RNF149: variants seen among roughly 807,000 people sequenced by gnomAD.
The protein encoded by RNF149 is E3 ubiquitin-protein ligase RNF149.
Under a neutral mutation model 39.0 loss-of-function variants are expected in RNF149, and 21 were observed. The ratio of observed to expected loss-of-function variants is 0.54; its 90% confidence interval spans 0.38 to 0.77. The LOEUF is 0.77. RNF149 is among the 30% of genes least tolerant of loss of function. RNF149 has a pLI of 0.00. For synonymous variants in RNF149, 209 were observed against 213.6 expected, an observed-to-expected ratio of 0.98 and a Z score of 0.19; for missense variants, 493 against 534.9, an observed-to-expected ratio of 0.92 and a Z score of 0.77.
intron 2 of RNF149, 46 bp from the exon 3 acceptor site, chr2:101,294,128 A>G: frequency 9.4e-7 from 1 of 1,059,264 alleles, no homozygotes. Flanking sequence ...ATTTAAATTA[A>G]ATCACTATTT....
In RNF149 at chr2:101,275,957, T is replaced by G; in HGVS notation, c.*1281A>C. 2.0e-6 allele frequency: 2 copies of G among 980,094 alleles called. No homozygotes were observed. Among genetic ancestry groups the G allele is most frequent in the Non-Finnish European group, 2.4e-6 (2 of 825,054 alleles). The allele number at this position is 980,094 out of a possible 1,614,324, so 60.7% of individuals were successfully genotyped here. On this transcript the variant is annotated 3_prime_UTR_variant, in exon 7 of 7. Transcript: ENST00000295317. ...TCATACTGCATCTGTCTGTAGAGTT[T>G]ATTTCAGTAAAACTGTTTACTATTT...
Position 101,276,744 on chromosome 2 carries a change from C to T in RNF149, c.*494G>A. ...TACAGATGGGCAAAAAAGCTACAGA[C>T]ATCTCAGTTTACAAGTTTCAAGTTC... On this transcript the variant is annotated 3_prime_UTR_variant, in exon 7 of 7. Coordinates refer to ENST00000295317, the MANE Select transcript of RNF149 (RefSeq NM_173647.4). 2.0e-6 allele frequency: 2 copies of T among 989,086 alleles called. No individual in the cohort carries two copies. The highest frequency in any genetic ancestry group is 2.4e-6 in the Non-Finnish European group (2 of 832,108). The allele number at this position is 989,086 out of a possible 1,614,324, so 61.3% of individuals were successfully genotyped here.
intron 5 of RNF149, among the ~76,000 whole-genome samples, chr2:101,284,151 G>C (rs1682701755): frequency 6.6e-6 from 1 of 152,216 alleles, no homozygotes; most frequent in Admixed American, 6.5e-5. Context: ...ATGAATATGT[G>C]AAGAAATTCT....
chr2:101,274,918 C>G (rs1682271618), downstream of RNF149, among the ~76,000 whole-genome samples: 1 of 151,422 alleles, frequency 6.6e-6, no homozygotes, highest in African/African-American at 2.4e-5. Context: ...TCCCGAGTAG[C>G]TGGGATTACA....
intron 1 of RNF149, among the ~76,000 whole-genome samples, chr2:101,297,125 C>T (rs1273385864): frequency 6.6e-6 from 1 of 152,112 alleles, no homozygotes; most frequent in Non-Finnish European, 1.5e-5. Context: ...AGGAGAATTG[C>T]TTGAACCCAG....
At chr2:101,292,402 A>G (rs1683047596) in intron 3 of RNF149, among the ~76,000 whole-genome samples, 1 of 152,204 alleles carries the variant, frequency 6.6e-6, no homozygotes, top group South Asian at 2.1e-4. Context: ...GATAATACCA[A>G]TTTACTTGTG....
At chr2:101,290,174 G>A (rs369130805) in intron 3 of RNF149, among the ~76,000 whole-genome samples, 31 of 152,282 alleles carry the variant, frequency 2.0e-4, no homozygotes, top group African/African-American at 5.5e-4. Flanking sequence ...GCGAGACTCC[G>A]TCTCAAAAAA....
Position 101,294,935 on chromosome 2 carries a change from C to T in RNF149, c.707G>A (p.Ser236Asn). ...TTCAGAGTTATCCATCATTACCTGA[C>T]TTCCAATCTGAGAGCCAGTATATAG... ...RFLYTGSQIG[S>N]QSHRKETKKV... Residue 236 changes from serine (S) to asparagine (N), a missense_variant, in exon 2 of 7, where the codon AGT becomes AAT. Transcript: ENST00000295317. 4 of 1,609,364 alleles carry T rather than the reference C, an allele frequency of 2.5e-6. No individual in the cohort carries two copies. The highest frequency in any genetic ancestry group is 2.6e-6 in the Non-Finnish European group (3 of 1,176,236).
In RNF149 at chr2:101,308,113, G is replaced by T. The variant is rs568562496; in HGVS notation, c.460+16C>A. 2.5e-6 allele frequency: 4 copies of T among 1,604,588 alleles called. No homozygotes were observed. In the African/African-American group the frequency reaches 5.4e-5, roughly 22 times the overall value. On this transcript the variant is annotated intron_variant, in intron 1 of 6. Transcript: ENST00000295317. Reference sequence around the variant, plus strand: ...CGCGAAGTCCCCCTCCCGTCCTCGCGCCCCGGCCTGCTCACCCGCGTGAGA... The same window carrying T: ...CGCGAAGTCCCCCTCCCGTCCTCGCTCCCCGGCCTGCTCACCCGCGTGAGA...
chr2:101,284,002 T>A (rs1186335968), intron 5 of RNF149, among the ~76,000 whole-genome samples: 1 of 152,194 alleles, frequency 6.6e-6, no homozygotes, highest in Non-Finnish European at 1.5e-5. Context: ...GCTCCCTGTA[T>A]GCTATTATTT....
intron 3 of RNF149, among the ~76,000 whole-genome samples, chr2:101,293,181 T>C (rs1040703885): frequency 6.6e-6 from 1 of 152,132 alleles, no homozygotes; most frequent in Non-Finnish European, 1.5e-5. Context: ...GTGTTATTTT[T>C]GCTTTAATCC....
At chr2:101,284,356 G>GA (rs1363399354) in intron 5 of RNF149, among the ~76,000 whole-genome samples, 1 of 151,970 alleles carries the variant, frequency 6.6e-6, no homozygotes, top group Non-Finnish European at 1.5e-5. Flanking sequence ...GAGGCGGGTG[G>GA]ATCACTTGAG....
intron 2 of RNF149, 37 bp from the exon 3 acceptor site, chr2:101,294,119 T>C (rs763563082): frequency 8.8e-7 from 1 of 1,132,590 alleles, no homozygotes. Flanking sequence ...TATTGAAAAA[T>C]TTAAATTAAA....
intron 5 of RNF149, among the ~76,000 whole-genome samples, chr2:101,285,323 T>C (rs1318691577): frequency 6.6e-6 from 1 of 152,190 alleles, no homozygotes; most frequent in Non-Finnish European, 1.5e-5. Flanking sequence ...CCTCTTTGGG[T>C]AGGGTAATAG....
rs563886421 is a variant in RNF149 at position 101,304,511 on chromosome 2, C to T, written c.460+3618G>A. Among the ~76,000 whole-genome samples the T allele has an allele frequency of 5.1e-4, 77 of 152,290 alleles. No individual in the cohort carries two copies. The South Asian group carries it at 7.7e-3, about 15-fold the overall frequency. The stretch of plus-strand genomic sequence containing the variant: ...ATATTGTCTGGAAAGTTCTGTGTAT[C>T]ACTCCTACTAGACCTCTCAAGGCCT... On this transcript the variant is annotated intron_variant, in intron 1 of 6. Transcript: ENST00000295317.
downstream of RNF149, chr2:101,272,833 G>T: frequency 1.4e-6 from 1 of 707,448 alleles, no homozygotes; most frequent in Non-Finnish European, 2.2e-6. Flanking sequence ...AGTATATGGG[G>T]ACAATCACCT....
At position 101,288,955 on chromosome 2, in the gene RNF149, T is replaced by C; in HGVS notation, c.863+18A>G. The C allele has an allele frequency of 7.9e-7, 1 of 1,266,114 alleles. No individual in the cohort carries two copies. Among genetic ancestry groups the C allele is most frequent in the East Asian group, 2.4e-5 (1 of 42,386 alleles). 78.4% of individuals were successfully genotyped at this position (1,266,114 alleles called of 1,614,324 possible). ...TGTCAAGTAATTTTTAACATCTCAATATGTAAAAAGAACATACTTGCATGG... is the reference window on the plus strand; with the variant it reads ...TGTCAAGTAATTTTTAACATCTCAACATGTAAAAAGAACATACTTGCATGG... On this transcript the variant is annotated intron_variant, in intron 4 of 6. Coordinates refer to ENST00000295317, the MANE Select transcript of RNF149 (RefSeq NM_173647.4).
At chr2:101,292,012 T>C (rs975261309) in intron 3 of RNF149, among the ~76,000 whole-genome samples, 3 of 152,214 alleles carry the variant, frequency 2.0e-5, no homozygotes, top group African/African-American at 7.2e-5. Context: ...TGGCCTACCA[T>C]AAACATGCTC....
chr2:101,284,330 A>C (rs1417167309), intron 5 of RNF149, among the ~76,000 whole-genome samples: 1 of 152,210 alleles, frequency 6.6e-6, no homozygotes, highest in Non-Finnish European at 1.5e-5. Flanking sequence ...CTGTAATCTC[A>C]GCACTTTGGG....
Sources: allele counts gnomAD v4.1 joint callset (sites outside exome capture counted in the v4.1 genomes callset), GRCh38; gene constraint gnomAD v4.1.1; transcripts MANE v1.5; gene names NCBI Gene and HGNC (gene_info 2026-07-23, HGNC 2026-07-21).